Variants in PLPPR1 observed in about 807,000 individuals in gnomAD.
PLPPR1 encodes the protein phospholipid phosphatase related 1, also known as phospholipid phosphatase-related protein type 1.
In PLPPR1, 10 loss-of-function variants were observed where a neutral mutation model predicts 33.1. That is an observed-to-expected ratio of 0.30 (90% CI 0.19 to 0.51). The LOEUF is 0.51. Ranked by LOEUF, PLPPR1 falls within the 20% of genes least tolerant of loss-of-function variation. The probability of loss-of-function intolerance (pLI) is 0.97; values close to 1 mark genes in which losing one functional copy is unlikely to be tolerated. For missense variants in PLPPR1, 304 were observed against 408.1 expected (o/e 0.74, Z 2.20); for synonymous variants, 151 against 151.0 (o/e 1.00, Z 0.00).
At chr9:101,278,443 G>C (rs1033134222) in intron 3 of PLPPR1, among the ~76,000 whole-genome samples, 1 of 152,116 alleles carries the variant, frequency 6.6e-6, no homozygotes, top group Admixed American at 6.5e-5. Flanking sequence ...TAAACCAGGC[G>C]AGAGATCAGA....
At position 101,260,440 on chromosome 9, in the gene PLPPR1, G is replaced by T. The variant is rs547716278; in HGVS notation, c.64-9440G>T. Among the ~76,000 whole-genome samples the T allele has an allele frequency of 1.2e-3, 181 of 152,236 alleles. 1 individual carries two copies. Among genetic ancestry groups the T allele is most frequent in the Admixed American group, 3.8e-3 (58 of 15,286 alleles). On this transcript the variant is annotated intron_variant, in intron 2 of 7. Transcript: ENST00000374874. ...ATGTGGAAGCCTGAAGGTGGCAGTG[G>T]CAGTTTGCATAAATGAGATAAATGT...
chr9:101,253,367 G>A (rs1451642450), intron 2 of PLPPR1, among the ~76,000 whole-genome samples: 1 of 151,976 alleles, frequency 6.6e-6, no homozygotes, highest in Non-Finnish European at 1.5e-5. Context: ...GGCCAACATG[G>A]TGAAACCCCA....
intron 1 of PLPPR1, among the ~76,000 whole-genome samples, chr9:101,156,957 C>A (rs992871948): frequency 5.3e-5 from 8 of 152,104 alleles, no homozygotes; most frequent in African/African-American, 1.9e-4. Flanking sequence ...TACTGGTGAG[C>A]CTGACATTGA....
chr9:101,199,875 G>T (rs1365932363), intron 2 of PLPPR1, among the ~76,000 whole-genome samples: 1 of 152,158 alleles, frequency 6.6e-6, no homozygotes, highest in Admixed American at 6.5e-5. Flanking sequence ...ATTTTAATCA[G>T]AATGGGACGA....
intron 2 of PLPPR1, among the ~76,000 whole-genome samples, chr9:101,195,363 A>G (rs1215687491): frequency 6.6e-6 from 1 of 151,978 alleles, no homozygotes; most frequent in Non-Finnish European, 1.5e-5. Context: ...ATGTCTTCCT[A>G]CTGAAAAGTA....
At chr9:101,209,140 T>G (rs1043769347) in intron 2 of PLPPR1, among the ~76,000 whole-genome samples, 5 of 152,218 alleles carry the variant, frequency 3.3e-5, no homozygotes, top group African/African-American at 1.2e-4. Flanking sequence ...AATCAGAAAG[T>G]CTGTGGGGTA....
At chr9:101,245,751 G>C (rs1827582952) in intron 2 of PLPPR1, among the ~76,000 whole-genome samples, 1 of 151,764 alleles carries the variant, frequency 6.6e-6, no homozygotes, top group African/African-American at 2.4e-5. Flanking sequence ...TGGAAAGACT[G>C]AGTAACCTCT....
At chr9:101,163,528 C>T (rs1449572046) in intron 1 of PLPPR1, among the ~76,000 whole-genome samples, 1 of 152,060 alleles carries the variant, frequency 6.6e-6, no homozygotes, top group Non-Finnish European at 1.5e-5. Flanking sequence ...CATCTAGGTG[C>T]AAAGTTACAT....
At chr9:101,200,697 A>T (rs1043718659) in intron 2 of PLPPR1, among the ~76,000 whole-genome samples, 1 of 152,182 alleles carries the variant, frequency 6.6e-6, no homozygotes, top group Non-Finnish European at 1.5e-5. Context: ...AATGGGTTCC[A>T]CATCCTACCC....
At chr9:101,158,446 T>C (rs1167221245) in intron 1 of PLPPR1, among the ~76,000 whole-genome samples, 1 of 152,100 alleles carries the variant, frequency 6.6e-6, no homozygotes, top group African/African-American at 2.4e-5. Context: ...TCCAGAAACA[T>C]GCCATGAGAC....
intron 1 of PLPPR1, among the ~76,000 whole-genome samples, chr9:101,044,027 C>T (rs1236734986): frequency 6.6e-6 from 1 of 152,084 alleles, no homozygotes; most frequent in African/African-American, 2.4e-5. Context: ...CTTAATTAAA[C>T]TAAAGAGCTT....
At chr9:101,257,054 G>GA (rs1231165961) in intron 2 of PLPPR1, among the ~76,000 whole-genome samples, 1 of 152,050 alleles carries the variant, frequency 6.6e-6, no homozygotes, top group Non-Finnish European at 1.5e-5. Flanking sequence ...GAAAGTGGGG[G>GA]AAGCTCTGTG....
At chr9:101,074,706 T>G (rs2118495978) in intron 1 of PLPPR1, among the ~76,000 whole-genome samples, 1 of 152,250 alleles carries the variant, frequency 6.6e-6, no homozygotes, top group East Asian at 1.9e-4. Context: ...TCTGCCAGGT[T>G]TAACAGAACA....
At chr9:101,294,918 C>A (rs1359357392) in intron 4 of PLPPR1, among the ~76,000 whole-genome samples, 1 of 152,186 alleles carries the variant, frequency 6.6e-6, no homozygotes, top group Non-Finnish European at 1.5e-5. Flanking sequence ...GTCTACTACT[C>A]CTATTCGACA....
intron 1 of PLPPR1, among the ~76,000 whole-genome samples, chr9:101,072,442 G>T (rs12345358): frequency 6.6e-6 from 1 of 152,066 alleles, no homozygotes; most frequent in Admixed American, 6.6e-5. Flanking sequence ...AAATCATGTG[G>T]CTTCAGCTAA....
At chr9:101,290,674 A>T (rs1240257139) in intron 4 of PLPPR1, among the ~76,000 whole-genome samples, 2 of 152,188 alleles carry the variant, frequency 1.3e-5, no homozygotes, top group African/African-American at 2.4e-5. Flanking sequence ...GATATCTCTA[A>T]TTTTTTTAAA....
At chr9:101,254,645 G>A (rs79566831) in intron 2 of PLPPR1, among the ~76,000 whole-genome samples, 8,454 of 152,142 alleles carry the variant, frequency 0.056, 768 homozygotes, top group African/African-American at 0.19. Context: ...TATCCACTTT[G>A]TAAAAATATA....
At chr9:101,315,050 A>G (rs1047475576) in intron 6 of PLPPR1, among the ~76,000 whole-genome samples, 1 of 150,212 alleles carries the variant, frequency 6.7e-6, no homozygotes, top group African/African-American at 2.5e-5. Flanking sequence ...ATAATGATCA[A>G]ATCTGGGTAA....
intron 2 of PLPPR1, among the ~76,000 whole-genome samples, chr9:101,253,647 G>A (rs1827749425): frequency 6.6e-6 from 1 of 152,056 alleles, no homozygotes; most frequent in Non-Finnish European, 1.5e-5. Context: ...AATTGAGAAA[G>A]GCAGTATTTT....
Sources: allele counts gnomAD v4.1 joint callset (sites outside exome capture counted in the v4.1 genomes callset), GRCh38; gene constraint gnomAD v4.1.1; transcripts MANE v1.5; gene names NCBI Gene and HGNC (gene_info 2026-07-23, HGNC 2026-07-21).